Variants in CNTNAP2 observed in about 807,000 individuals in gnomAD.
The protein encoded by CNTNAP2 is contactin associated protein 2.
A neutral mutation model predicts 155.2 loss-of-function variants in CNTNAP2; 98 were observed. That is an observed-to-expected ratio of 0.63 (90% CI 0.54 to 0.75). CNTNAP2 has a LOEUF of 0.75. Among genes scored for constraint, CNTNAP2 ranks in the 30% least tolerant of loss-of-function variants. The pLI, the probability that CNTNAP2 is intolerant of heterozygous loss-of-function variation, is 0.00. For synonymous variants in CNTNAP2, 651 were observed against 631.2 expected (o/e 1.03, Z -0.47); for missense variants, 1,727 against 1,688.1 (o/e 1.02, Z -0.40).
intron 2 of CNTNAP2, among the ~76,000 whole-genome samples, chr7:146,815,760 G>T (rs1375092798): frequency 7.2e-6 from 1 of 138,850 alleles, no homozygotes; most frequent in Non-Finnish European, 1.6e-5. Context: ...AGGATATAGA[G>T]CACTTTTTTT....
intron 15 of CNTNAP2, among the ~76,000 whole-genome samples, chr7:148,086,616 C>A (rs1235743566): frequency 3.9e-5 from 6 of 152,186 alleles, no homozygotes; most frequent in Non-Finnish European, 7.4e-5. Context: ...TCCGGACTCA[C>A]ATTTTTCTTC....
chr7:148,149,813 A>G (rs1171417443), intron 17 of CNTNAP2, among the ~76,000 whole-genome samples: 1 of 152,058 alleles, frequency 6.6e-6, no homozygotes, highest in East Asian at 1.9e-4. Context: ...CAGCCTCCCA[A>G]AATGCTGGGA....
chr7:148,410,511 G>A (rs1799811087), intron 23 of CNTNAP2, among the ~76,000 whole-genome samples: 1 of 146,484 alleles, frequency 6.8e-6, no homozygotes, highest in Non-Finnish European at 1.5e-5. Flanking sequence ...AGGTTGCAGT[G>A]AGCTGAGATC....
chr7:146,784,603 T>C (rs1802542858), intron 2 of CNTNAP2, among the ~76,000 whole-genome samples: 1 of 152,234 alleles, frequency 6.6e-6, no homozygotes, highest in African/African-American at 2.4e-5. Flanking sequence ...TCGTTACCCA[T>C]AGGAGACATC....
rs181086085 is a variant in CNTNAP2, at chr7:147,200,937, T to C, written c.1348+68428T>C. Among the ~76,000 whole-genome samples, 6 of 152,324 alleles carry C rather than the reference T, an allele frequency of 3.9e-5. No homozygotes were observed. In the East Asian group the frequency reaches 9.7e-4, roughly 25 times the overall value. On this transcript the variant is annotated intron_variant, in intron 8 of 23. Transcript: ENST00000361727. ...ATGCATGGTTGAGATGTGTATGTAA[T>C]TGAAGTATTTTCAACTGAGGGTCAT...
intron 3 of CNTNAP2, among the ~76,000 whole-genome samples, chr7:146,922,209 C>T (rs1524337): frequency 0.37 from 55,193 of 150,838 alleles, 10,596 homozygotes; most frequent in Middle Eastern, 0.42. Flanking sequence ...TACATTTCTG[C>T]CCTGTAATTC....
At chr7:146,967,977 A>C (rs1341282265) in intron 3 of CNTNAP2, among the ~76,000 whole-genome samples, 1 of 143,688 alleles carries the variant, frequency 7.0e-6, no homozygotes, top group African/African-American at 2.5e-5. Flanking sequence ...ATTTTGAAAT[A>C]CGTCCCATCA....
intron 1 of CNTNAP2, among the ~76,000 whole-genome samples, chr7:146,233,742 T>C (rs113949149): frequency 0.17 from 26,448 of 151,676 alleles, 2,826 homozygotes; most frequent in East Asian, 0.29. Context: ...TGCGATAGTT[T>C]ACTGAGAATG....
chr7:147,072,575 A>G (rs1485793071), intron 4 of CNTNAP2, among the ~76,000 whole-genome samples: 1 of 152,114 alleles, frequency 6.6e-6, no homozygotes, highest in Non-Finnish European at 1.5e-5. Flanking sequence ...TGGTGGTAGC[A>G]GAGTGGAAAT....
rs552012033 is a variant in CNTNAP2, at chr7:146,566,391, C to T, written c.98-207880C>T. On this transcript the variant is annotated intron_variant, in intron 1 of 23. Coordinates refer to ENST00000361727, the MANE Select transcript of CNTNAP2 (RefSeq NM_014141.6). ...GTAATTTTTTCTTTGAAAATTATTTCTCAAATTTTTAGACTTTTAGTGGAA... is the reference window on the plus strand; with the variant it reads ...GTAATTTTTTCTTTGAAAATTATTTTTCAAATTTTTAGACTTTTAGTGGAA... 3.3e-5 allele frequency among the ~76,000 whole-genome samples: 5 copies of T among 152,218 alleles called. No individual in the cohort carries two copies. The East Asian group carries it at 5.8e-4, about 18-fold the overall frequency.
intron 1 of CNTNAP2, among the ~76,000 whole-genome samples, chr7:146,393,303 G>C (rs73738740): frequency 4.6e-5 from 7 of 152,150 alleles, no homozygotes; most frequent in Non-Finnish European, 1.0e-4. Context: ...CCCTGAAAGT[G>C]TATTAGGTAT....
At chr7:148,207,119 G>C (rs1367063008) in intron 18 of CNTNAP2, among the ~76,000 whole-genome samples, 1 of 152,216 alleles carries the variant, frequency 6.6e-6, no homozygotes, top group Non-Finnish European at 1.5e-5. Flanking sequence ...ACATATAGTA[G>C]GAGTCTAAGA....
At chr7:146,706,961 T>C (rs1012373005) in intron 1 of CNTNAP2, among the ~76,000 whole-genome samples, 1 of 152,002 alleles carries the variant, frequency 6.6e-6, no homozygotes, top group East Asian at 1.9e-4. Context: ...ACTCTACTAT[T>C]TGAAGTACAG....
At chr7:146,868,591 T>C (rs1206570961) in intron 3 of CNTNAP2, among the ~76,000 whole-genome samples, 1 of 152,208 alleles carries the variant, frequency 6.6e-6, no homozygotes, top group Non-Finnish European at 1.5e-5. Flanking sequence ...ATTGAATTTG[T>C]AAATTGCTTT....
intron 1 of CNTNAP2, among the ~76,000 whole-genome samples, chr7:146,263,331 A>G (rs1799948644): frequency 1.3e-5 from 2 of 151,918 alleles, no homozygotes; most frequent in South Asian, 4.1e-4. Context: ...CCTCATGTTT[A>G]AAATGATTCT....
chr7:147,737,599 A>G (rs988329260), intron 13 of CNTNAP2, among the ~76,000 whole-genome samples: 1 of 152,188 alleles, frequency 6.6e-6, no homozygotes, highest in African/African-American at 2.4e-5. Context: ...TTGTTCGGCT[A>G]TGCCCTGCCC....
At chr7:147,358,561 GATTT>G (rs1443418519) in intron 9 of CNTNAP2, among the ~76,000 whole-genome samples, 2 of 151,872 alleles carry the variant, frequency 1.3e-5, no homozygotes, top group Non-Finnish European at 2.9e-5. Flanking sequence ...ATTCATGTGT[GATTT>G]ATGGCATCCA....
chr7:147,870,409 T>C (rs1268945064), intron 13 of CNTNAP2, among the ~76,000 whole-genome samples: 1 of 152,138 alleles, frequency 6.6e-6, no homozygotes, highest in Admixed American at 6.5e-5. Flanking sequence ...TGAGTATCTC[T>C]CCCTGCTCAG....
At chr7:147,528,134 G>C (rs755456276) in intron 11 of CNTNAP2, among the ~76,000 whole-genome samples, 8 of 152,144 alleles carry the variant, frequency 5.3e-5, no homozygotes, top group Admixed American at 1.3e-4. Context: ...CTCCCTTTGA[G>C]CCCAAGGAAG....
Sources: gnomAD v4.1 joint callset for allele counts (sites outside exome capture counted in the v4.1 genomes callset) on GRCh38, gnomAD v4.1.1 for gene constraint, MANE v1.5 for transcripts, NCBI Gene and HGNC (gene_info 2026-07-23, HGNC 2026-07-21) for gene names.